Variants in ADCY2 observed in about 807,000 individuals in gnomAD.
The protein encoded by ADCY2 is adenylate cyclase 2.
A neutral mutation model predicts 125.2 loss-of-function variants in ADCY2; 31 were observed. That is an observed-to-expected ratio of 0.25 (90% CI 0.19 to 0.33). The LOEUF (loss-of-function observed/expected upper bound fraction) is 0.33. ADCY2 is among the 10% of genes least tolerant of loss of function. The pLI is 1.00. For synonymous variants in ADCY2, 512 were observed against 548.4 expected (o/e 0.93, Z 0.93); for missense variants, 904 against 1,418.2 (o/e 0.64, Z 5.82).
intron 3 of ADCY2, among the ~76,000 whole-genome samples, chr5:7,618,099 T>C (rs1579240364): frequency 6.6e-6 from 1 of 152,240 alleles, no homozygotes; most frequent in East Asian, 1.9e-4. Context: ...CACAGGATTT[T>C]GCAAGCTGTC....
chr5:7,590,147 C>T (rs963404289), intron 3 of ADCY2, among the ~76,000 whole-genome samples: 5 of 152,122 alleles, frequency 3.3e-5, no homozygotes, highest in Admixed American at 6.6e-5. Context: ...AAATGAGTCA[C>T]TTGGGGAGTC....
At chr5:7,400,560 C>T (rs1390239771) in intron 1 of ADCY2, among the ~76,000 whole-genome samples, 3 of 152,264 alleles carry the variant, frequency 2.0e-5, no homozygotes, top group Middle Eastern at 3.4e-3. Flanking sequence ...TTCAGCACCC[C>T]CAATAGGTGG....
At chr5:7,518,644 G>A (rs1350957246) in intron 2 of ADCY2, among the ~76,000 whole-genome samples, 3 of 152,134 alleles carry the variant, frequency 2.0e-5, no homozygotes, top group Non-Finnish European at 2.9e-5. Context: ...GAGGAGACGG[G>A]GGCATGAAGC....
chr5:7,542,934 C>T (rs923509628), intron 3 of ADCY2, among the ~76,000 whole-genome samples: 3 of 152,236 alleles, frequency 2.0e-5, no homozygotes, highest in African/African-American at 7.2e-5. Flanking sequence ...TAGACAAAGA[C>T]AGTAACAAAG....
chr5:7,791,310 A>G (rs1449884589), intron 20 of ADCY2, among the ~76,000 whole-genome samples: 1 of 152,090 alleles, frequency 6.6e-6, no homozygotes, highest in East Asian at 1.9e-4. Context: ...TGCATGCGCA[A>G]AAGAGGTGGG....
At chr5:7,568,057 G>C (rs1218053752) in intron 3 of ADCY2, among the ~76,000 whole-genome samples, 1 of 151,418 alleles carries the variant, frequency 6.6e-6, no homozygotes, top group African/African-American at 2.4e-5. Flanking sequence ...CAACATTCTG[G>C]GTTTTGTTTT....
At chr5:7,502,528 C>T (rs766296853) in intron 2 of ADCY2, among the ~76,000 whole-genome samples, 4 of 152,154 alleles carry the variant, frequency 2.6e-5, no homozygotes, top group Admixed American at 6.5e-5. Flanking sequence ...TCTGTGCTTC[C>T]GGGCTGATCT....
At chr5:7,488,046 C>A (rs969449479) in intron 2 of ADCY2, among the ~76,000 whole-genome samples, 1 of 151,966 alleles carries the variant, frequency 6.6e-6, no homozygotes, top group Non-Finnish European at 1.5e-5. Flanking sequence ...TAAAAGTAAC[C>A]AAGTGGTCTT....
chr5:7,675,237 A>C (rs1740084863), intron 4 of ADCY2, among the ~76,000 whole-genome samples: 1 of 152,128 alleles, frequency 6.6e-6, no homozygotes, highest in Admixed American at 6.6e-5. Flanking sequence ...AGTTCTACCC[A>C]ATCGTTTTAA....
intron 3 of ADCY2, among the ~76,000 whole-genome samples, chr5:7,575,033 A>T (rs1406103897): frequency 6.6e-6 from 1 of 152,214 alleles, no homozygotes; most frequent in African/African-American, 2.4e-5. Flanking sequence ...TGTGTAAACA[A>T]AAGTGTCTGT....
intron 23 of ADCY2, among the ~76,000 whole-genome samples, chr5:7,820,045 G>A (rs965060067): frequency 6.6e-6 from 1 of 152,200 alleles, no homozygotes; most frequent in Non-Finnish European, 1.5e-5. Flanking sequence ...TGCCAGAGCT[G>A]GAATAAATTA....
intron 3 of ADCY2, among the ~76,000 whole-genome samples, chr5:7,545,546 G>C (rs944100924): frequency 6.6e-6 from 1 of 152,124 alleles, no homozygotes; most frequent in Non-Finnish European, 1.5e-5. Context: ...AGTTTCCAGT[G>C]AATGAACACT....
At chr5:7,474,422 T>A (rs1455068468) in intron 2 of ADCY2, among the ~76,000 whole-genome samples, 9 of 151,788 alleles carry the variant, frequency 5.9e-5, no homozygotes. Flanking sequence ...TAATAGGGAG[T>A]CAAAAGGATC....
At chr5:7,502,578 G>A (rs1160159136) in intron 2 of ADCY2, among the ~76,000 whole-genome samples, 10 of 152,214 alleles carry the variant, frequency 6.6e-5, no homozygotes, top group Non-Finnish European at 1.5e-4. Flanking sequence ...GAAAGAGATG[G>A]GCTTAAGGAA....
chr5:7,814,332 T>G (rs888473832), intron 22 of ADCY2, among the ~76,000 whole-genome samples: 1 of 152,156 alleles, frequency 6.6e-6, no homozygotes, highest in African/African-American at 2.4e-5. Context: ...GGAGCAATTT[T>G]ACTCCTCCCC....
chr5:7,776,839 A>G (rs1218387060), intron 18 of ADCY2, among the ~76,000 whole-genome samples: 1 of 152,128 alleles, frequency 6.6e-6, no homozygotes, highest in African/African-American at 2.4e-5. Context: ...AAACTCCAAC[A>G]TCAAAGGTTC....
chr5:7,784,271 G>A (rs1366032973), intron 18 of ADCY2, 94 bp from the exon 19 acceptor site: 1 of 910,764 alleles, frequency 1.1e-6, no homozygotes, highest in Non-Finnish European at 1.8e-6. Context: ...ACAGGCACTA[G>A]AGAATCTGAT....
intron 4 of ADCY2, among the ~76,000 whole-genome samples, chr5:7,649,550 G>A (rs994058708): frequency 1.4e-4 from 22 of 152,196 alleles, no homozygotes; most frequent in Non-Finnish European, 5.9e-5. Flanking sequence ...GTGCTTCAGA[G>A]GGAGAGGACT....
intron 2 of ADCY2, among the ~76,000 whole-genome samples, chr5:7,456,533 T>C (rs1462789830): frequency 6.6e-6 from 1 of 152,218 alleles, no homozygotes; most frequent in East Asian, 1.9e-4. Context: ...TGAAATATTA[T>C]TGCGATCAGG....
Sources: gnomAD v4.1 joint callset for allele counts (sites outside exome capture counted in the v4.1 genomes callset) on GRCh38, gnomAD v4.1.1 for gene constraint, MANE v1.5 for transcripts, NCBI Gene and HGNC (gene_info 2026-07-23, HGNC 2026-07-21) for gene names.